FGFR3: variants seen among roughly 807,000 people sequenced by gnomAD.
FGFR3 encodes the protein FGFR-3.
FGFR3 carries 25 observed loss-of-function variants against 82.9 expected under a neutral mutation model. That is an observed-to-expected ratio of 0.30 (90% CI 0.22 to 0.42). FGFR3 has a LOEUF of 0.42. FGFR3 is among the 10% of genes least tolerant of loss of function. The pLI is 1.00. For missense variants in FGFR3, 1,026 were observed against 1,161.0 expected, an observed-to-expected ratio of 0.88 and a Z score of 1.69; for synonymous variants, 620 against 516.0, an observed-to-expected ratio of 1.20 and a Z score of -2.73.
intron 7 of FGFR3, 69 bp downstream of exon 7, chr4:1,802,094 C>T: frequency 6.6e-7 from 1 of 1,512,066 alleles, no homozygotes; most frequent in Non-Finnish European, 9.0e-7. Context: ...TGCCCCTTGG[C>T]TGCGGGTTGC....
In FGFR3 at chr4:1,804,654, C is replaced by T. The variant is rs17880574; in HGVS notation, c.1266+134C>T. The T allele has an allele frequency of 1.2e-3, 1,756 of 1,436,238 alleles. 45 individuals are homozygous for T. The East Asian group carries it at 0.033, about 27-fold the overall frequency. 89.0% of individuals were successfully genotyped at this position (1,436,238 alleles called of 1,614,324 possible). On this transcript the variant is annotated intron_variant, in intron 9 of 17. Coordinates refer to ENST00000440486, the MANE Select transcript of FGFR3 (RefSeq NM_000142.5). ...GCGGGCTCCCCTCTCCTCGTCTCTG[C>T]TCACCATGTAGAGCCTAGGGTACTT... is the stretch of plus-strand genomic sequence containing the variant.
At chr4:1,802,314 A>G (rs1721294692) in intron 7 of FGFR3, among the ~76,000 whole-genome samples, 1 of 152,168 alleles carries the variant, frequency 6.6e-6, no homozygotes, top group Non-Finnish European at 1.5e-5. Context: ...CTTGGGCAGC[A>G]GTGGTGCCCC....
In FGFR3 at chr4:1,807,423, A is replaced by T. The variant is rs1007864833; in HGVS notation, c.*161A>T. 7.5e-6 allele frequency: 8 copies of T among 1,069,588 alleles called. No individual in the cohort carries two copies. The highest frequency in any genetic ancestry group is 6.0e-5 in the Admixed American group (3 of 50,376). 66.3% of individuals were successfully genotyped at this position (1,069,588 alleles called of 1,614,324 possible). A position where few individuals can be genotyped will look rare whatever the true frequency, so the allele number is the denominator to read the frequency against. On this transcript the variant is annotated 3_prime_UTR_variant, in exon 18 of 18. Transcript: ENST00000440486. ...TGCGTGTGTGTGTGTGTGTGTGCAC[A>T]TCCGCGTGTGCCTGTGTGCGTGCGC...
In FGFR3 at chr4:1,805,819, C is replaced by T. The variant is rs377141691; in HGVS notation, c.1715C>T (p.Pro572Leu). 1.4e-5 allele frequency: 23 copies of T among 1,612,398 alleles called. No individual in the cohort carries two copies. The highest frequency in any genetic ancestry group is 3.3e-5 in the Admixed American group (2 of 60,008). ...NLREFLRARR[P>L]PGLDYSFDTC... ...CGGGAGTTTCTGCGGGCGCGGCGGC[C>T]CCCGGGCCTGGACTACTCCTTCGAC... The change falls in exon 13 of 18, where the codon CCC (proline) becomes CTC (leucine). Residue 572 changes from proline (P) to leucine (L), a missense_variant. Physicochemically the swap from Pro to Leu is moderately conservative, Grantham distance 98. Around this residue, in one of 9 missense-constraint regions of FGFR3, gnomAD observed 164 missense variants for 167.5 expected, o/e 0.98. Transcript: ENST00000440486.
At chr4:1,795,988 C>T (rs909909287) in intron 2 of FGFR3, among the ~76,000 whole-genome samples, 14 of 152,204 alleles carry the variant, frequency 9.2e-5, no homozygotes, top group African/African-American at 2.9e-4. Flanking sequence ...GCCCTCAGGT[C>T]TCACTTGGGG....
In FGFR3 at chr4:1,805,900, A is replaced by T. The variant is rs764571446; in HGVS notation, c.1796A>T (p.Tyr599Phe). 1 of 1,611,976 alleles carries T rather than the reference A, an allele frequency of 6.2e-7. No individual in the cohort carries two copies. Among genetic ancestry groups the T allele is most frequent in the Non-Finnish European group, 8.5e-7 (1 of 1,179,272 alleles). The change falls in exon 13 of 18, where the codon TAC becomes TTC. Residue 599 changes from tyrosine (Y) to phenylalanine (F), a missense_variant. Physicochemically the swap from Tyr to Phe is conservative, Grantham distance 22 (BLOSUM62 3). This residue lies in a region of FGFR3 where 164 missense variants were observed against 167.5 expected (regional missense o/e 0.98). Coordinates refer to ENST00000440486, the MANE Select transcript of FGFR3 (RefSeq NM_000142.5). ...LTFKDLVSCA[Y>F]QVARGMEYLA... is the part of the protein sequence containing the mutation. ...TTCAAGGACCTGGTGTCCTGTGCCT[A>T]CCAGGTGGCCCGGGGCATGGAGTAC...
At position 1,804,418 on chromosome 4, in the gene FGFR3, G is replaced by A. The variant is rs2108797369; in HGVS notation, c.1164G>A (p.Leu388=). ...SYGVGFFLFI[L]VVAAVTLCRL... ...GGGTGGGCTTCTTCCTGTTCATCCT[G>A]GTGGTGGCGGCTGTGACGCTCTGCC... The change falls in exon 9 of 18, where the codon CTG becomes CTA. Residue 388 remains leucine, a synonymous_variant. Transcript: ENST00000440486. The A allele has an allele frequency of 1.2e-6, 2 of 1,613,088 alleles. No homozygotes were observed. The highest frequency in any genetic ancestry group is 3.3e-4 in the Middle Eastern group (2 of 6,054).
At chr4:1,803,958 TCA>T in intron 8 of FGFR3, 122 bp downstream of exon 8, 1 of 1,164,964 alleles carries the variant, frequency 8.6e-7, no homozygotes. Flanking sequence ...TCTTGAGCCC[TCA>T]CTCCTGGCCC....
Position 1,806,585 on chromosome 4 carries a change from G to A in FGFR3, c.2070G>A (p.Leu690=), listed in dbSNP as rs2108811688. 2 of 1,613,088 alleles carry A rather than the reference G, an allele frequency of 1.2e-6. No homozygotes were observed. Among genetic ancestry groups the A allele is most frequent in the Non-Finnish European group, 1.7e-6 (2 of 1,179,948 alleles). The change falls in exon 16 of 18, where the codon CTG becomes CTA. Residue 690 remains leucine (L), a synonymous_variant. Transcript: ENST00000440486. The stretch of plus-strand genomic sequence containing the variant: ...TCCTGCTCTGGGAGATCTTCACGCT[G>A]GGGGGCTCCCCGTACCCCGGCATCC... The part of the protein sequence containing the change: ...FGVLLWEIFT[L]GGSPYPGIPV...
In FGFR3 at chr4:1,799,422, G is replaced by A. The variant is rs771333357; in HGVS notation, c.278G>A (p.Arg93Gln). The A allele has an allele frequency of 1.1e-5, 17 of 1,611,300 alleles. No homozygotes were observed. Among genetic ancestry groups the A allele is most frequent in the South Asian group, 3.3e-5 (3 of 90,978 alleles). ...PSERVLVGPQRLQVLNASHED... is the reference protein window; with the variant it reads ...PSERVLVGPQQLQVLNASHED... ...GAGCGTGTCCTGGTGGGGCCCCAGCGGCTGCAGGTGCTGAATGCCTCCCAC... is the reference window on the plus strand; with the variant it reads ...GAGCGTGTCCTGGTGGGGCCCCAGCAGCTGCAGGTGCTGAATGCCTCCCAC... Residue 93 changes from arginine (R) to glutamine (Q), a missense_variant, in exon 3 of 18, where the codon CGG (arginine) becomes CAG (glutamine). By Grantham distance (43) the Arg-to-Gln change is conservative. Transcript: ENST00000440486.
intron 10 of FGFR3, 55 bp from the exon 11 acceptor site, chr4:1,805,300 T>G (rs2108801753): frequency 6.2e-7 from 1 of 1,602,538 alleles, no homozygotes; most frequent in Non-Finnish European, 8.5e-7. Context: ...GGGACCGTGG[T>G]GGGCTGAGAG....
rs1720881754 is a variant in FGFR3 at position 1,799,156 on chromosome 4, C to A, written c.110-98C>A. The A allele has an allele frequency of 3.2e-6, 5 of 1,550,546 alleles. No individual in the cohort carries two copies. In the East Asian group the frequency reaches 6.7e-5, roughly 21 times the overall value. ...GTGGGACCCTGGATCTGGGTCAGAG[C>A]CTTCCTCACTCAGGGCCGCCGAGGC... is the stretch of plus-strand genomic sequence containing the variant. On this transcript the variant is annotated intron_variant, in intron 2 of 17. Transcript: ENST00000440486.
At chr4:1,795,783 A>C (rs941999339) in intron 2 of FGFR3, among the ~76,000 whole-genome samples, 4 of 151,964 alleles carry the variant, frequency 2.6e-5, no homozygotes, top group Non-Finnish European at 5.9e-5. Flanking sequence ...CCACAGTCCC[A>C]CCCCACCCAG....
Position 1,801,728 on chromosome 4 carries a change from A to G in FGFR3, c.724A>G (p.Thr242Ala), listed in dbSNP as rs767373970. ...GTTTGGCAGCATCCGGCAGACGTAC[A>G]CGCTGGACGTGCTGGGTGAGGGCCC... ...NKFGSIRQTY[T>A]LDVLERSPHR... Residue 242 changes from threonine to alanine, a missense_variant, in exon 6 of 18, where the codon ACG (threonine) becomes GCG (alanine). By Grantham distance (58) the Thr-to-Ala change is moderately conservative. This residue lies in a region of FGFR3 where 147 missense variants were observed against 228.1 expected (regional missense o/e 0.64). Transcript: ENST00000440486. The G allele has an allele frequency of 1.2e-6, 2 of 1,605,104 alleles. No homozygotes were observed. Among genetic ancestry groups the G allele is most frequent in the Non-Finnish European group, 1.7e-6 (2 of 1,177,316 alleles).
intron 2 of FGFR3, 67 bp downstream of exon 2, chr4:1,794,110 C>G (rs1486160574): frequency 2.0e-6 from 2 of 1,004,010 alleles, no homozygotes; most frequent in Admixed American, 4.2e-5. Flanking sequence ...GGGACGGGAA[C>G]CGGCCCCGGG....
chr4:1,797,573 C>T (rs889499520), intron 2 of FGFR3, among the ~76,000 whole-genome samples: 1 of 152,234 alleles, frequency 6.6e-6, no homozygotes, highest in African/African-American at 2.4e-5. Context: ...CGGCTGTTGC[C>T]CTTGGGCCAG....
intron 17 of FGFR3, 86 bp downstream of exon 17, chr4:1,807,020 T>C (rs2108816012): frequency 6.4e-7 from 1 of 1,550,564 alleles, no homozygotes; most frequent in Non-Finnish European, 8.7e-7. Context: ...AGTGCTGAGG[T>C]GTGGGGCGGG....
In FGFR3 at chr4:1,808,228, G is replaced by GCCGAT. The variant is rs1560458757; in HGVS notation, c.*967_*971dup. 1 of 232,532 alleles carries GCCGAT rather than the reference G, an allele frequency of 4.3e-6. No homozygotes were observed. Among genetic ancestry groups the GCCGAT allele is most frequent in the East Asian group, 6.0e-5 (1 of 16,532 alleles). The allele number at this position is 232,532 out of a possible 1,614,324, so 14.4% of individuals were successfully genotyped here. Reference sequence around the variant, plus strand: ...ATTGACAACCGAGAAGGTTTATCCCGCCGATAGAGGGACGGCCAAGAATGT... The same window carrying GCCGAT: ...ATTGACAACCGAGAAGGTTTATCCCGCCGATCCGATAGAGGGACGGCCAAGAATGT... On this transcript the variant is annotated 3_prime_UTR_variant, in exon 18 of 18. Coordinates refer to ENST00000440486, the MANE Select transcript of FGFR3 (RefSeq NM_000142.5).
rs774204416 is a variant in FGFR3, at chr4:1,804,413, A to G, written c.1159A>G (p.Ile387Val). ...LSYGVGFFLF[I>V]LVVAAVTLCR... is the part of the protein sequence containing the mutation. Reference sequence around the variant, plus strand: ...CTACGGGGTGGGCTTCTTCCTGTTCATCCTGGTGGTGGCGGCTGTGACGCT... The same window carrying G: ...CTACGGGGTGGGCTTCTTCCTGTTCGTCCTGGTGGTGGCGGCTGTGACGCT... The change falls in exon 9 of 18, where the codon ATC becomes GTC. Residue 387 changes from isoleucine to valine, a missense_variant. Ile to Val is a conservative substitution (Grantham distance 29). Around this residue, in one of 9 missense-constraint regions of FGFR3, gnomAD observed 256 missense variants for 217.6 expected, o/e 1.18. Coordinates refer to ENST00000440486, the MANE Select transcript of FGFR3 (RefSeq NM_000142.5). 1 of 1,612,802 alleles carries G rather than the reference A, an allele frequency of 6.2e-7. No homozygotes were observed. Among genetic ancestry groups the G allele is most frequent in the African/African-American group, 1.3e-5 (1 of 74,844 alleles).
Sources: gnomAD v4.1 joint callset for allele counts (sites outside exome capture counted in the v4.1 genomes callset) on GRCh38, gnomAD v4.1.1 for gene constraint, gnomAD v4.1.1 regional missense constraint, MANE v1.5 for transcripts, NCBI Gene and HGNC (gene_info 2026-07-23, HGNC 2026-07-21) for gene names.